Variants in LRRC37A2 observed in about 807,000 individuals in gnomAD.
The protein encoded by LRRC37A2 is leucine-rich repeat-containing protein 37A2.
In LRRC37A2, 9 loss-of-function variants were observed where a neutral mutation model predicts 68.8. That is an observed-to-expected ratio of 0.13 (90% confidence interval 0.08 to 0.23). The LOEUF (loss-of-function observed/expected upper bound fraction) is 0.23. LRRC37A2 is among the 10% of genes least tolerant of loss of function. The pLI is 1.00. For synonymous variants in LRRC37A2, 63 were observed against 367.6 expected (o/e 0.17, Z 9.48); for missense variants, 168 against 950.4 (o/e 0.18, Z 10.82).
chr17:46,940,767 C>T, the LRRC37A2 span: 2 of 1,532,750 alleles, frequency 1.3e-6, no homozygotes, highest in Middle Eastern at 1.8e-4. Context: ...AGCCAGTCCT[C>T]TAGTTTGGAA....
chr17:46,493,800 G>A, the LRRC37A2 span, among the ~76,000 whole-genome samples: 4 of 150,710 alleles, frequency 2.7e-5, no homozygotes, highest in African/African-American at 1.0e-4. Flanking sequence ...GCCTCCCAAA[G>A]TGCTGGGATT....
At chr17:46,714,039 T>C in the LRRC37A2 span, 8 of 1,541,882 alleles carry the variant, frequency 5.2e-6, no homozygotes, top group Non-Finnish European at 6.1e-6. Flanking sequence ...TGTGTGTGTG[T>C]GTGCACATAT....
the LRRC37A2 span, among the ~76,000 whole-genome samples, chr17:46,738,828 G>T: frequency 1.3e-5 from 2 of 152,256 alleles, no homozygotes; most frequent in African/African-American, 2.4e-5. Flanking sequence ...GTGGTTGGGC[G>T]CAGTGGCTTA....
At chr17:46,883,782 C>T in the LRRC37A2 span, among the ~76,000 whole-genome samples, 1 of 152,156 alleles carries the variant, frequency 6.6e-6, no homozygotes, top group East Asian at 1.9e-4. Context: ...TCCAGTCCTG[C>T]CACTTGGTCC....
At chr17:46,864,542 G>A in the LRRC37A2 span, among the ~76,000 whole-genome samples, 2 of 152,142 alleles carry the variant, frequency 1.3e-5, no homozygotes, top group African/African-American at 4.8e-5. Flanking sequence ...TAAACAGAGG[G>A]TCTTTCTCTC....
chr17:46,901,571 A>G, the LRRC37A2 span, among the ~76,000 whole-genome samples: 4 of 152,186 alleles, frequency 2.6e-5, no homozygotes, highest in African/African-American at 9.7e-5. Flanking sequence ...TACATAGAGC[A>G]AGCAGGTCTG....
chr17:46,938,849 T>G, the LRRC37A2 span: 1 of 1,597,092 alleles, frequency 6.3e-7, no homozygotes, highest in Non-Finnish European at 8.5e-7. Flanking sequence ...GAGGCCGCCT[T>G]TTGAAATGTT....
chr17:46,970,905 A>G, the LRRC37A2 span, among the ~76,000 whole-genome samples: 1 of 152,206 alleles, frequency 6.6e-6, no homozygotes, highest in Non-Finnish European at 1.5e-5. Context: ...TCTGGAGAAA[A>G]TCTCAAACCT....
the LRRC37A2 span, among the ~76,000 whole-genome samples, chr17:46,920,017 T>G: frequency 5.3e-5 from 8 of 152,152 alleles, no homozygotes; most frequent in Non-Finnish European, 1.0e-4. Context: ...ACTACTATTA[T>G]TGCCCCAAAC....
chr17:46,720,330 C>T, the LRRC37A2 span, among the ~76,000 whole-genome samples: 1 of 151,954 alleles, frequency 6.6e-6, no homozygotes, highest in Non-Finnish European at 1.5e-5. Context: ...ATCTCTTTGG[C>T]GTAGAAAGGA....
chr17:46,871,671 A>G, the LRRC37A2 span, among the ~76,000 whole-genome samples: 8 of 152,196 alleles, frequency 5.3e-5, no homozygotes. Context: ...GGAAAAAACC[A>G]AGGTGTCAAG....
At chr17:46,808,699 A>G in the LRRC37A2 span, among the ~76,000 whole-genome samples, 1 of 152,220 alleles carries the variant, frequency 6.6e-6, no homozygotes, top group Non-Finnish European at 1.5e-5. Flanking sequence ...GCCAATTGCA[A>G]TCTTAAAATT....
the LRRC37A2 span, among the ~76,000 whole-genome samples, chr17:46,816,475 G>GCACGCACACACACA: frequency 8.3e-5 from 12 of 144,244 alleles, no homozygotes; most frequent in African/African-American, 3.1e-4. Context: ...CAGAACACAC[G>GCACGCACACACACA]CACACACACA....
chr17:47,034,320 C>A, the LRRC37A2 span, among the ~76,000 whole-genome samples: 1 of 152,208 alleles, frequency 6.6e-6, no homozygotes, highest in African/African-American at 2.4e-5. Flanking sequence ...CCAGGCACAA[C>A]CTTAGTCAAG....
the LRRC37A2 span, among the ~76,000 whole-genome samples, chr17:46,720,402 G>C: frequency 6.6e-6 from 1 of 152,158 alleles, no homozygotes; most frequent in South Asian, 2.1e-4. Context: ...CCTTCTCTGT[G>C]GCTCACGATA....
the LRRC37A2 span, among the ~76,000 whole-genome samples, chr17:46,873,913 C>T: frequency 2.0e-5 from 3 of 150,538 alleles, no homozygotes; most frequent in Non-Finnish European, 3.0e-5. Context: ...TGCTTGAACC[C>T]GGGAGGTGGA....
the LRRC37A2 span, among the ~76,000 whole-genome samples, chr17:46,851,325 C>T: frequency 6.6e-6 from 1 of 151,776 alleles, no homozygotes; most frequent in Non-Finnish European, 1.5e-5. The surrounding 1 kb of genome is among the most constrained non-coding windows in gnomAD (Gnocchi z 4.3). Flanking sequence ...GGGGGCTTCA[C>T]GTTCAGCCAC....
chr17:46,814,820 G>A, the LRRC37A2 span, among the ~76,000 whole-genome samples: 9 of 152,226 alleles, frequency 5.9e-5, no homozygotes, highest in African/African-American at 2.2e-4. Flanking sequence ...AGGTGGGAGT[G>A]GGTGGGAGAG....
the LRRC37A2 span, chr17:46,726,667 T>C: frequency 6.9e-7 from 1 of 1,457,784 alleles, no homozygotes; most frequent in Non-Finnish European, 9.6e-7. Context: ...ACAGCTAATA[T>C]CTCAAAAGTT....
Sources: allele counts gnomAD v4.1 joint callset (sites outside exome capture counted in the v4.1 genomes callset), GRCh38; gene constraint gnomAD v4.1.1; non-coding constraint Gnocchi (gnomAD v3.1); transcripts MANE v1.5; gene names NCBI Gene and HGNC (gene_info 2026-07-23, HGNC 2026-07-21).